PKHD1L1: variants seen among roughly 807,000 people sequenced by gnomAD.
PKHD1L1 encodes fibrocystin-L.
Under a neutral mutation model 462.9 loss-of-function variants are expected in PKHD1L1, and 434 were observed. The observed-to-expected ratio is 0.94, with a 90% confidence interval of 0.87 to 1.02. PKHD1L1 has a LOEUF of 1.02. Ranked by LOEUF, PKHD1L1 falls within the 50% of genes least tolerant of loss-of-function variation. PKHD1L1 has a pLI of 0.00. For synonymous variants in PKHD1L1, 1,781 were observed against 1,750.0 expected (o/e 1.02, Z -0.44); for missense variants, 5,202 against 5,096.1 (o/e 1.02, Z -0.63).
At chr8:109,491,847 C>G in intron 61 of PKHD1L1, 26 bp from the exon 62 acceptor site, 1 of 1,529,162 alleles carries the variant, frequency 6.5e-7, no homozygotes, top group East Asian at 2.3e-5. Flanking sequence ...TGGGGATTTT[C>G]TTTCTTTTTT....
intron 2 of PKHD1L1, among the ~76,000 whole-genome samples, chr8:109,371,112 TC>T (rs1811485129): frequency 6.6e-6 from 1 of 152,208 alleles, no homozygotes; most frequent in Non-Finnish European, 1.5e-5. Context: ...TAGTTTACAC[TC>T]CCACCAACAG....
intron 9 of PKHD1L1, among the ~76,000 whole-genome samples, chr8:109,391,128 G>A (rs1443176062): frequency 6.6e-6 from 1 of 152,110 alleles, no homozygotes; most frequent in Non-Finnish European, 1.5e-5. Flanking sequence ...CAGCAGGCAT[G>A]GTATTAAGCA....
At chr8:109,453,962 G>T (rs967532041) in intron 43 of PKHD1L1, among the ~76,000 whole-genome samples, 1 of 152,084 alleles carries the variant, frequency 6.6e-6, no homozygotes, top group African/African-American at 2.4e-5. Context: ...AACTCCCATG[G>T]TCTTGTCTGG....
intron 46 of PKHD1L1, among the ~76,000 whole-genome samples, chr8:109,456,840 T>C (rs543589053): frequency 6.6e-6 from 1 of 152,280 alleles, no homozygotes; most frequent in African/African-American, 2.4e-5. Flanking sequence ...TCTCTTATCT[T>C]ACAGCCTTAG....
chr8:109,444,546 G>T (rs1331454062), intron 37 of PKHD1L1, 115 bp from the exon 38 acceptor site: 4 of 957,888 alleles, frequency 4.2e-6, no homozygotes, highest in Non-Finnish European at 6.1e-6. Context: ...ATGAATAAAA[G>T]ATATTTATTT....
At chr8:109,505,964 T>C (rs1819668599) in intron 68 of PKHD1L1, among the ~76,000 whole-genome samples, 1 of 152,172 alleles carries the variant, frequency 6.6e-6, no homozygotes, top group Non-Finnish European at 1.5e-5. Context: ...TTTGACTTCA[T>C]CTGATTTTGC....
intron 30 of PKHD1L1, among the ~76,000 whole-genome samples, chr8:109,436,964 G>A (rs1022670914): frequency 1.3e-5 from 2 of 152,334 alleles, no homozygotes; most frequent in Middle Eastern, 3.4e-3. Context: ...TCACCAGTCT[G>A]TAGTGCAATG....
rs1050390760 is a variant in PKHD1L1 at position 109,420,833 on chromosome 8, T to C, written c.2697+143T>C. The C allele has an allele frequency of 5.0e-5, 32 of 635,256 alleles. 1 individual carries two copies. Among genetic ancestry groups the C allele is most frequent in the Non-Finnish European group, 7.0e-5 (30 of 428,230 alleles). 39.4% of individuals were successfully genotyped at this position (635,256 alleles called of 1,614,324 possible). A position where few individuals can be genotyped will look rare whatever the true frequency, so the allele number is the denominator to read the frequency against. ...TATATGAAGATTTGGAGTATGAAAA[T>C]TGACTTTAAGTATTAAAAAAATTCT... On this transcript the variant is annotated intron_variant, in intron 23 of 77. Transcript: ENST00000378402.
At chr8:109,470,324 A>C in intron 50 of PKHD1L1, 1 of 1,497,342 alleles carries the variant, frequency 6.7e-7, no homozygotes, top group South Asian at 1.1e-5. Flanking sequence ...TATTTAGATA[A>C]CTTAGTTTGG....
intron 71 of PKHD1L1, among the ~76,000 whole-genome samples, chr8:109,511,881 G>A (rs1367896101): frequency 6.6e-6 from 1 of 152,108 alleles, no homozygotes; most frequent in Non-Finnish European, 1.5e-5. Flanking sequence ...TTTAATGATT[G>A]CCATTCTAAC....
At chr8:109,494,440 G>A (rs1458274184) in intron 63 of PKHD1L1, among the ~76,000 whole-genome samples, 1 of 151,840 alleles carries the variant, frequency 6.6e-6, no homozygotes, top group African/African-American at 2.4e-5. Context: ...TATGAACAAG[G>A]TTATTCATCA....
chr8:109,390,545 T>C, intron 9 of PKHD1L1, 51 bp downstream of exon 9: 1 of 1,049,850 alleles, frequency 9.5e-7, no homozygotes, highest in Non-Finnish European at 1.3e-6. Context: ...ACAGGGTAAA[T>C]AAGATAAAAT....
At position 109,498,747 on chromosome 8, in the gene PKHD1L1, A is replaced by G; in HGVS notation, c.10804A>G (p.Ile3602Val). Residue 3602 changes from isoleucine (I) to valine (V), a missense_variant, in exon 67 of 78, where the codon ATC becomes GTC. Ile to Val is a conservative substitution (Grantham distance 29, BLOSUM62 3). This residue lies in a region of PKHD1L1 where 4,497 missense variants were observed against 4,336.8 expected (regional missense o/e 1.04). Transcript: ENST00000378402. ...PHAGIMSYNA[I>V]SGLLDISGST... Reference sequence around the variant, plus strand: ...TGCAGGAATCATGAGTTACAATGCCATCAGTGGCCTTTTGGACATCTCAGG... The same window carrying G: ...TGCAGGAATCATGAGTTACAATGCCGTCAGTGGCCTTTTGGACATCTCAGG... The G allele has an allele frequency of 1.2e-6, 2 of 1,613,608 alleles. No individual in the cohort carries two copies. Among genetic ancestry groups the G allele is most frequent in the Non-Finnish European group, 1.7e-6 (2 of 1,179,596 alleles).
intron 23 of PKHD1L1, among the ~76,000 whole-genome samples, chr8:109,423,350 A>G (rs916446321): frequency 6.6e-6 from 1 of 152,096 alleles, no homozygotes; most frequent in South Asian, 2.1e-4. Flanking sequence ...TTGTTTGCCT[A>G]TGCCTCCAAT....
chr8:109,518,857 G>A (rs894454234), intron 73 of PKHD1L1, among the ~76,000 whole-genome samples: 1 of 152,118 alleles, frequency 6.6e-6, no homozygotes, highest in Non-Finnish European at 1.5e-5. Context: ...GAAAAAGAGT[G>A]TTCAAGCTAT....
rs1235717261 is a variant in PKHD1L1, at chr8:109,420,664, C to A, written c.2671C>A (p.Pro891Thr). The A allele has an allele frequency of 1.9e-6, 3 of 1,588,966 alleles. No individual in the cohort carries two copies. The highest frequency in any genetic ancestry group is 1.2e-5 in the South Asian group (1 of 85,640). The stretch of plus-strand genomic sequence containing the variant: ...TTCATACAATTGCAGTTACAATATA[C>A]CCATGATGGCTGTGAGCTTTGGGCA... ...MTSYNCSYNI[P>T]MMAVSFGQII... The change falls in exon 23 of 78, where the codon CCC becomes ACC. Residue 891 changes from proline (P) to threonine (T), a missense_variant. Coordinates refer to ENST00000378402, the MANE Select transcript of PKHD1L1 (RefSeq NM_177531.6).
In PKHD1L1 at chr8:109,392,919, C is replaced by T. The variant is rs574303871; in HGVS notation, c.741-1496C>T. On this transcript the variant is annotated intron_variant, in intron 9 of 77. Transcript: ENST00000378402. ...CTGTTCCCAACTGATAAGGTTCAGA[C>T]GAAGCTGCCTTAATTGAGAAATGCC... 1.5e-3 allele frequency among the ~76,000 whole-genome samples: 221 copies of T among 152,204 alleles called. 1 individual carries two copies. Among genetic ancestry groups the T allele is most frequent in the Non-Finnish European group, 2.3e-3 (155 of 68,016 alleles).
rs1421813143 is a variant in PKHD1L1, at chr8:109,534,897, C to A, written c.*4807C>A. Among the ~76,000 whole-genome samples, 2 of 106,636 alleles carry A rather than the reference C, an allele frequency of 1.9e-5. No individual in the cohort carries two copies. The highest frequency in any genetic ancestry group is 4.1e-5 in the Non-Finnish European group (2 of 48,562). The allele number at this position is 106,636 out of a possible 152,430, so 70.0% of individuals were successfully genotyped here. A position where few individuals can be genotyped will look rare whatever the true frequency, so the allele number is the denominator to read the frequency against. The stretch of plus-strand genomic sequence containing the variant: ...GAACGCCATTCACCCATGAATGTGA[C>A]TTTATTAGAGGTTTTTTTTTTAGGT... On this transcript the variant is annotated 3_prime_UTR_variant, in exon 78 of 78. Coordinates refer to ENST00000378402, the MANE Select transcript of PKHD1L1 (RefSeq NM_177531.6).
At chr8:109,398,905 G>T (rs1015885063) in intron 12 of PKHD1L1, among the ~76,000 whole-genome samples, 2 of 152,050 alleles carry the variant, frequency 1.3e-5, no homozygotes, top group Non-Finnish European at 2.9e-5. Flanking sequence ...ATTAAAAAAA[G>T]ATAAATAGGG....
Sources: allele counts gnomAD v4.1 joint callset (sites outside exome capture counted in the v4.1 genomes callset), GRCh38; gene constraint gnomAD v4.1.1; regional missense constraint gnomAD v4.1.1; transcripts MANE v1.5; gene names NCBI Gene and HGNC (gene_info 2026-07-23, HGNC 2026-07-21).